The following GNPAT variants were observed in gnomAD, a reference collection of about 807,000 sequenced individuals.
GNPAT encodes dihydroxyacetone phosphate acyltransferase.
In GNPAT, 30 loss-of-function variants were observed where a neutral mutation model predicts 78.4. That is an observed-to-expected ratio of 0.38 (90% CI 0.29 to 0.52). The LOEUF (loss-of-function observed/expected upper bound fraction) is 0.52. Among genes scored for constraint, GNPAT ranks in the 20% least tolerant of loss-of-function variants. GNPAT has a pLI of 0.84. For synonymous variants in GNPAT, 271 were observed against 281.1 expected (o/e 0.96, Z 0.36); for missense variants, 714 against 812.2 (o/e 0.88, Z 1.47).
At chr1:231,271,300 G>A (rs140882716) in intron 10 of GNPAT, among the ~76,000 whole-genome samples, 62 of 152,320 alleles carry the variant, frequency 4.1e-4, no homozygotes, top group Non-Finnish European at 7.6e-4. Context: ...CCACTTCCTG[G>A]TCTGCGGCAC....
At chr1:231,259,704 A>G (rs374985107) in intron 2 of GNPAT, among the ~76,000 whole-genome samples, 3 of 152,212 alleles carry the variant, frequency 2.0e-5, no homozygotes, top group African/African-American at 2.4e-5. Flanking sequence ...CAATGAAAAA[A>G]AAGGGTAAGA....
intron 1 of GNPAT, among the ~76,000 whole-genome samples, chr1:231,249,022 A>G (rs866925345): frequency 1.3e-5 from 2 of 152,196 alleles, no homozygotes; most frequent in East Asian, 1.9e-4. Context: ...ATGACTGTAT[A>G]TGTGTATACA....
At chr1:231,256,871 G>A (rs1041244489) in intron 2 of GNPAT, among the ~76,000 whole-genome samples, 1 of 152,140 alleles carries the variant, frequency 6.6e-6, no homozygotes, top group African/African-American at 2.4e-5. Context: ...TTATCTCACA[G>A]AATACAATAG....
chr1:231,265,724 C>G lies in GNPAT; in HGVS notation c.709C>G (p.Pro237Ala), dbSNP rs780614492. Residue 237 changes from proline to alanine, a missense_variant, in exon 6 of 16, where the codon CCT becomes GCT. By Grantham distance (27) the Pro-to-Ala change is conservative. Transcript: ENST00000366647. ...TTTCTCTTTAAAGAATGGTTATGCT[C>G]CTGTTGAATTTTTCCTCGAAGGGAC... ...VKTMLRNGYA[P>A]VEFFLEGTRS... The G allele has an allele frequency of 4.4e-6, 7 of 1,592,526 alleles. No individual in the cohort carries two copies. The highest frequency in any genetic ancestry group is 6.0e-6 in the Non-Finnish European group (7 of 1,160,336).
intron 2 of GNPAT, among the ~76,000 whole-genome samples, chr1:231,251,399 G>T (rs2102802718): frequency 6.6e-6 from 1 of 152,260 alleles, no homozygotes; most frequent in Middle Eastern, 3.4e-3. Flanking sequence ...ATGCTAGTGG[G>T]AGCCCAGTGT....
chr1:231,266,487 A>G, intron 8 of GNPAT, 80 bp downstream of exon 8: 1 of 1,130,208 alleles, frequency 8.8e-7, no homozygotes. Context: ...GGAGTTGACC[A>G]CTTCTCTTGA....
chr1:231,244,539 A>G (rs1014514201), intron 1 of GNPAT, among the ~76,000 whole-genome samples: 5 of 152,170 alleles, frequency 3.3e-5, no homozygotes, highest in African/African-American at 1.2e-4. Context: ...GATAAGAAAT[A>G]TGGGGAGAGG....
intron 2 of GNPAT, among the ~76,000 whole-genome samples, chr1:231,253,078 C>T (rs965323402): frequency 2.0e-5 from 3 of 152,222 alleles, no homozygotes; most frequent in African/African-American, 7.2e-5. Context: ...ATGCCATTCT[C>T]CTGCCTCAGC....
In GNPAT at chr1:231,250,976, T is replaced by C; in HGVS notation, c.94T>C (p.Trp32Arg). 1.2e-6 allele frequency: 2 copies of C among 1,610,430 alleles called. No individual in the cohort carries two copies. The highest frequency in any genetic ancestry group is 2.2e-5 in the South Asian group (2 of 90,980). Reference protein sequence around the residue: ...VLLYSKELKKWDEFEDILEER... With the variant: ...VLLYSKELKKRDEFEDILEER... Reference sequence around the variant, plus strand: ...TTATCCACAGAAGGAGCTCAAAAAGTGGGATGAGTTTGAAGATATTTTAGA... The same window carrying C: ...TTATCCACAGAAGGAGCTCAAAAAGCGGGATGAGTTTGAAGATATTTTAGA... The change falls in exon 2 of 16, where the codon TGG becomes CGG. Residue 32 changes from tryptophan to arginine, a missense_variant. Transcript: ENST00000366647.
In GNPAT at chr1:231,241,508, C is replaced by T. The variant is rs774634723; in HGVS notation, c.78+52C>T. The T allele has an allele frequency of 3.9e-6, 5 of 1,284,456 alleles. No homozygotes were observed. The South Asian group carries it at 4.7e-5, about 12-fold the overall frequency. The allele number at this position is 1,284,456 out of a possible 1,614,324, so 79.6% of individuals were successfully genotyped here. On this transcript the variant is annotated intron_variant, in intron 1 of 15. Coordinates refer to ENST00000366647, the MANE Select transcript of GNPAT (RefSeq NM_014236.4). ...GAGCGGAGCCGCGCGAAATAGTACC[C>T]CTTTCTCCCAGTCCCTATTCCTCCG... is the stretch of plus-strand genomic sequence containing the variant.
Position 231,277,661 on chromosome 1 carries a change from G to T in GNPAT, c.*119G>T. 1 of 743,772 alleles carries T rather than the reference G, an allele frequency of 1.3e-6. No individual in the cohort carries two copies. The highest frequency in any genetic ancestry group is 1.4e-5 in the South Asian group (1 of 70,354). 46.1% of individuals were successfully genotyped at this position (743,772 alleles called of 1,614,324 possible). A position where few individuals can be genotyped will look rare whatever the true frequency, so the allele number is the denominator to read the frequency against. The stretch of plus-strand genomic sequence containing the variant: ...CCTCTCATACTCCCTGAGACTCTGA[G>T]AACAGTGGACGCAGAGGGAAGAGAT... On this transcript the variant is annotated 3_prime_UTR_variant, in exon 16 of 16. Coordinates refer to ENST00000366647, the MANE Select transcript of GNPAT (RefSeq NM_014236.4).
intron 8 of GNPAT, 96 bp from the exon 9 acceptor site, chr1:231,267,584 G>T: frequency 1.2e-6 from 1 of 803,890 alleles, no homozygotes; most frequent in Non-Finnish European, 2.2e-6. Flanking sequence ...TTGGCACAAA[G>T]TATGAGAAGC....
Position 231,277,588 on chromosome 1 carries a change from A to C in GNPAT, c.*46A>C. The C allele has an allele frequency of 1.7e-4, 186 of 1,068,724 alleles. No individual in the cohort carries two copies. The highest frequency in any genetic ancestry group is 2.5e-4 in the Non-Finnish European group (173 of 681,788). 66.2% of individuals were successfully genotyped at this position (1,068,724 alleles called of 1,614,324 possible). A position where few individuals can be genotyped will look rare whatever the true frequency, so the allele number is the denominator to read the frequency against. ...AAAATTCGGTCACGTAATTACTCTC[A>C]TCGAAGGACTCATTACAACAAACAG... is the stretch of plus-strand genomic sequence containing the variant. On this transcript the variant is annotated 3_prime_UTR_variant, in exon 16 of 16. Coordinates refer to ENST00000366647, the MANE Select transcript of GNPAT (RefSeq NM_014236.4).
intron 8 of GNPAT, 101 bp downstream of exon 8, chr1:231,266,508 A>T: frequency 1.0e-6 from 1 of 963,494 alleles, no homozygotes; most frequent in Non-Finnish European, 1.7e-6. Flanking sequence ...TTTACTTAAG[A>T]TTACAGAGAA....
chr1:231,248,207 G>T (rs1272601012), intron 1 of GNPAT, among the ~76,000 whole-genome samples: 3 of 152,022 alleles, frequency 2.0e-5, no homozygotes, highest in African/African-American at 7.2e-5. Flanking sequence ...ATTCATTAAG[G>T]CTTATTTTAT....
At chr1:231,251,678 A>C (rs1684902631) in intron 2 of GNPAT, among the ~76,000 whole-genome samples, 1 of 152,230 alleles carries the variant, frequency 6.6e-6, no homozygotes, top group Non-Finnish European at 1.5e-5. Flanking sequence ...AAAGAAGCCC[A>C]GGTGATTCCA....
chr1:231,264,499 G>A (rs1283457008), intron 4 of GNPAT, among the ~76,000 whole-genome samples: 1 of 152,168 alleles, frequency 6.6e-6, no homozygotes, highest in Non-Finnish European at 1.5e-5. Flanking sequence ...AGGAAAGCCA[G>A]GATTCAAGTA....
At chr1:231,266,433 C>G (rs762321970) in intron 8 of GNPAT, 26 bp downstream of exon 8, 12 of 1,602,400 alleles carry the variant, frequency 7.5e-6, no homozygotes, top group Admixed American at 1.7e-5. Context: ...TAATAACTGT[C>G]TTAGAAATGA....
chr1:231,258,849 G>A (rs1180476873), intron 2 of GNPAT, among the ~76,000 whole-genome samples: 5 of 151,262 alleles, frequency 3.3e-5, no homozygotes. Flanking sequence ...GTGTTAGCCA[G>A]GATGGTCTCA....
Sources: allele counts gnomAD v4.1 joint callset (sites outside exome capture counted in the v4.1 genomes callset), GRCh38; gene constraint gnomAD v4.1.1; transcripts MANE v1.5; gene names NCBI Gene and HGNC (gene_info 2026-07-23, HGNC 2026-07-21).